Variants in HOOK1 observed in about 807,000 individuals in gnomAD.
HOOK1 encodes the protein protein Hook homolog 1.
A neutral mutation model predicts 112.8 loss-of-function variants in HOOK1; 60 were observed. The ratio of observed to expected loss-of-function variants is 0.53; its 90% CI spans 0.43 to 0.66. The LOEUF (loss-of-function observed/expected upper bound fraction) is 0.66, where lower values mean the gene tolerates loss of function less well. Among genes scored for constraint, HOOK1 ranks in the 30% least tolerant of loss-of-function variants. The pLI is 0.00. For missense variants in HOOK1, 770 were observed against 856.0 expected (o/e 0.90, Z 1.25); for synonymous variants, 294 against 283.8 (o/e 1.04, Z -0.36).
chr1:59,867,540 A>G (rs980964019), intron 19 of HOOK1, among the ~76,000 whole-genome samples: 1 of 152,202 alleles, frequency 6.6e-6, no homozygotes, highest in African/African-American at 2.4e-5. Flanking sequence ...TTATAATTAC[A>G]TCATGCAGAT....
chr1:59,850,354 A>G (rs547721637), intron 12 of HOOK1, among the ~76,000 whole-genome samples: 1 of 151,274 alleles, frequency 6.6e-6, no homozygotes, highest in Non-Finnish European at 1.5e-5. Context: ...AGTTTGCAGC[A>G]CCAAGTATTA....
Position 59,873,199 on chromosome 1 carries a change from C to T in HOOK1, c.*234C>T, listed in dbSNP as rs1210737935. On this transcript the variant is annotated 3_prime_UTR_variant, in exon 22 of 22. Transcript: ENST00000371208. ...TTGAATAATTGGAGATGCAGTTATA[C>T]ACACATTTCAAACAAACATTTGTCT... 3.0e-6 allele frequency: 1 copy of T among 332,840 alleles called. No individual in the cohort carries two copies. The highest frequency in any genetic ancestry group is 2.1e-5 in the African/African-American group (1 of 47,250). The allele number at this position is 332,840 out of a possible 1,614,324, so 20.6% of individuals were successfully genotyped here.
chr1:59,862,870 G>A lies in HOOK1; in HGVS notation c.1619G>A (p.Gly540Asp). 6.3e-7 allele frequency: 1 copy of A among 1,586,596 alleles called. No individual in the cohort carries two copies. Among genetic ancestry groups the A allele is most frequent in the Non-Finnish European group, 8.7e-7 (1 of 1,155,224 alleles). ...CAGGAACAAGGTTCCAAGTCTGAAG[G>A]CGAAAGTGTAAGTAACTTAGAAATT... ...SLQEQGSKSE[G>D]ESSSKLKQKL... The change falls in exon 16 of 22, where the codon GGC becomes GAC. Residue 540 changes from glycine to aspartate, a missense_variant. Gly to Asp is a moderately conservative substitution (Grantham distance 94). Around this residue, in one of 3 missense-constraint regions of HOOK1, gnomAD observed 655 missense variants for 725.9 expected, o/e 0.90. Transcript: ENST00000371208.
intron 3 of HOOK1, among the ~76,000 whole-genome samples, chr1:59,830,021 G>T (rs1287917378): frequency 2.0e-5 from 3 of 151,904 alleles, no homozygotes; most frequent in African/African-American, 7.2e-5. Flanking sequence ...TTTTCCAGTT[G>T]CCTTTCTTTT....
chr1:59,832,282 C>A, intron 4 of HOOK1, 69 bp downstream of exon 4: 1 of 921,696 alleles, frequency 1.1e-6, no homozygotes, highest in Non-Finnish European at 1.7e-6. Context: ...ACTGAAAAAT[C>A]ACTTGGTTTT....
chr1:59,852,227 T>C (rs2098407518), intron 12 of HOOK1, among the ~76,000 whole-genome samples: 1 of 151,792 alleles, frequency 6.6e-6, no homozygotes, highest in East Asian at 1.9e-4. Context: ...TGAAAATTGG[T>C]ATTAATTCTT....
Position 59,821,048 on chromosome 1 carries a change from A to G in HOOK1, c.64-810A>G, listed in dbSNP as rs1284393023. ...TAAGATAGTTAAATGGTAAACTAAGAAATTATTAGTGAACAGTGAAATGGG... is the reference window on the plus strand; with the variant it reads ...TAAGATAGTTAAATGGTAAACTAAGGAATTATTAGTGAACAGTGAAATGGG... On this transcript the variant is annotated intron_variant, in intron 1 of 21. Transcript: ENST00000371208. 2.0e-5 allele frequency among the ~76,000 whole-genome samples: 3 copies of G among 152,186 alleles called. No individual in the cohort carries two copies. The East Asian group carries it at 5.8e-4, about 29-fold the overall frequency.
Position 59,864,635 on chromosome 1 carries a change from A to G in HOOK1, c.1630A>G (p.Ser544Gly). ...CAATTTTTTTTAAATTTTATAGTCC[A>G]GCAAATTAAAGCAGAAGTTGGAAGC... ...QGSKSEGESS[S>G]KLKQKLEAHM... Residue 544 changes from serine to glycine, a missense_variant, in exon 17 of 22, where the codon AGC (serine) becomes GGC (glycine). Coordinates refer to ENST00000371208, the MANE Select transcript of HOOK1 (RefSeq NM_015888.6). The G allele has an allele frequency of 6.5e-7, 1 of 1,542,636 alleles. No individual in the cohort carries two copies. The highest frequency in any genetic ancestry group is 1.1e-5 in the South Asian group (1 of 87,292).
intron 2 of HOOK1, among the ~76,000 whole-genome samples, chr1:59,822,993 A>C (rs2098386733): frequency 6.6e-6 from 1 of 152,182 alleles, no homozygotes; most frequent in Non-Finnish European, 1.5e-5. Context: ...TGTAAAACAT[A>C]CCTTACTCCC....
chr1:59,831,203 C>T (rs1304313927), intron 3 of HOOK1, among the ~76,000 whole-genome samples: 1 of 152,054 alleles, frequency 6.6e-6, no homozygotes. Flanking sequence ...TTTCTTCTTG[C>T]AAGCAGTTAA....
In HOOK1 at chr1:59,815,531, C is replaced by T. The variant is rs566803073; in HGVS notation, c.63+351C>T. Among the ~76,000 whole-genome samples, 20 of 151,560 alleles carry T rather than the reference C, an allele frequency of 1.3e-4. No homozygotes were observed. The South Asian group carries it at 4.0e-3, about 30-fold the overall frequency. ...CCCCATTTTCTCCCCCTGAACAGCGCCCGAGCCCTCCACTTTCTGGATCGC... is the reference window on the plus strand; with the variant it reads ...CCCCATTTTCTCCCCCTGAACAGCGTCCGAGCCCTCCACTTTCTGGATCGC... On this transcript the variant is annotated intron_variant, in intron 1 of 21. Coordinates refer to ENST00000371208, the MANE Select transcript of HOOK1 (RefSeq NM_015888.6).
intron 7 of HOOK1, among the ~76,000 whole-genome samples, chr1:59,838,311 A>G (rs1008716363): frequency 2.0e-5 from 3 of 152,178 alleles, no homozygotes; most frequent in African/African-American, 7.2e-5. Flanking sequence ...GCTCCCAACA[A>G]CAGTGTAAAA....
At chr1:59,856,515 G>A (rs2098410861) in intron 12 of HOOK1, among the ~76,000 whole-genome samples, 1 of 148,748 alleles carries the variant, frequency 6.7e-6, no homozygotes, top group Admixed American at 6.7e-5. Context: ...TTCTGTTTGT[G>A]TATTTTGTAT....
Position 59,828,826 on chromosome 1 carries a change from G to T in HOOK1, c.196G>T (p.Asp66Tyr), listed in dbSNP as rs1432894976. 6.2e-7 allele frequency: 1 copy of T among 1,613,188 alleles called. No individual in the cohort carries two copies. Among genetic ancestry groups the T allele is most frequent in the Non-Finnish European group, 8.5e-7 (1 of 1,179,520 alleles). ...ATCTTGGTTAAGCCGAATTAAAGAG[G>T]ATGTTGGGGACAACTGGAGAATAAA... The part of the protein sequence containing the change: ...NESWLSRIKE[D>Y]VGDNWRIKAS... The change falls in exon 3 of 22, where the codon GAT becomes TAT. Residue 66 changes from aspartate (D) to tyrosine (Y), a missense_variant. Asp to Tyr is a radical substitution (Grantham distance 160). Around this residue, in one of 3 missense-constraint regions of HOOK1, gnomAD observed 655 missense variants for 725.9 expected, o/e 0.90. Coordinates refer to ENST00000371208, the MANE Select transcript of HOOK1 (RefSeq NM_015888.6).
intron 12 of HOOK1, among the ~76,000 whole-genome samples, chr1:59,855,586 A>G (rs1334599924): frequency 6.6e-6 from 1 of 152,106 alleles, no homozygotes; most frequent in Non-Finnish European, 1.5e-5. Context: ...ATAGTTCTGC[A>G]GTAAACATTT....
At chr1:59,831,667 T>G (rs1012814700) in intron 3 of HOOK1, among the ~76,000 whole-genome samples, 5 of 152,182 alleles carry the variant, frequency 3.3e-5, no homozygotes, top group Non-Finnish European at 7.3e-5. Context: ...ACATCAGGCT[T>G]GGTGTTTGGT....
chr1:59,830,248 T>C (rs2098392794), intron 3 of HOOK1, among the ~76,000 whole-genome samples: 1 of 152,098 alleles, frequency 6.6e-6, no homozygotes, highest in Non-Finnish European at 1.5e-5. Context: ...TATTTTTTCT[T>C]ATTATACTAT....
chr1:59,860,953 T>C (rs1274816531), intron 15 of HOOK1, among the ~76,000 whole-genome samples: 1 of 152,014 alleles, frequency 6.6e-6, no homozygotes, highest in Non-Finnish European at 1.5e-5. Context: ...TTTTTTTGTA[T>C]TTTTAGTAGA....
At chr1:59,846,419 T>G (rs2098403819) in intron 9 of HOOK1, among the ~76,000 whole-genome samples, 1 of 151,748 alleles carries the variant, frequency 6.6e-6, no homozygotes, top group African/African-American at 2.4e-5. Flanking sequence ...TTCTTTATAC[T>G]TAACTTTGGA....
Sources: gnomAD v4.1 joint callset for allele counts (sites outside exome capture counted in the v4.1 genomes callset) on GRCh38, gnomAD v4.1.1 for gene constraint, gnomAD v4.1.1 regional missense constraint, MANE v1.5 for transcripts, NCBI Gene and HGNC (gene_info 2026-07-23, HGNC 2026-07-21) for gene names.